SNW1: variants seen among roughly 807,000 people sequenced by gnomAD.
SNW1 encodes the protein SNW domain-containing protein 1.
A neutral mutation model predicts 75.6 loss-of-function variants in SNW1; 9 were observed. The ratio of observed to expected loss-of-function variants is 0.12; its 90% confidence interval spans 0.07 to 0.21. SNW1 has a LOEUF of 0.21. Among genes scored for constraint, SNW1 ranks in the 10% least tolerant of loss-of-function variants. SNW1 has a pLI of 1.00. For synonymous variants in SNW1, 200 were observed against 219.1 expected, an observed-to-expected ratio of 0.91 and a Z score of 0.77; for missense variants, 409 against 670.9, an observed-to-expected ratio of 0.61 and a Z score of 4.31.
chr14:77,723,069 G>C (rs1595074034), intron 11 of SNW1, 112 bp downstream of exon 11: 5 of 791,038 alleles, frequency 6.3e-6, no homozygotes, highest in Non-Finnish European at 8.8e-6. Flanking sequence ...GGATGGTCTC[G>C]ATCTCCTGAC....
At chr14:77,749,982 C>T (rs1347374914) in intron 3 of SNW1, among the ~76,000 whole-genome samples, 3 of 152,026 alleles carry the variant, frequency 2.0e-5, no homozygotes, top group Non-Finnish European at 2.9e-5. Context: ...AGGAGGATTG[C>T]TTGAGCCCAA....
chr14:77,722,791 C>T (rs1388412748), intron 11 of SNW1: 2 of 401,224 alleles, frequency 5.0e-6, no homozygotes, highest in Admixed American at 6.9e-5. Flanking sequence ...GACTAAAACT[C>T]TGCTCTAAAA....
At chr14:77,754,916 T>C (rs772557297) in intron 2 of SNW1, 51 bp downstream of exon 2, 3 of 1,432,080 alleles carry the variant, frequency 2.1e-6, no homozygotes, top group Non-Finnish European at 1.9e-6. Flanking sequence ...TAGTGTGCTA[T>C]AATAAATTTC....
chr14:77,756,971 C>A (rs2080846541), intron 1 of SNW1, among the ~76,000 whole-genome samples: 1 of 152,196 alleles, frequency 6.6e-6, no homozygotes, highest in East Asian at 1.9e-4. Context: ...TCAAGGTAAC[C>A]TTTCTACTAA....
rs2080880159 is a variant in SNW1 at position 77,760,599 on chromosome 14, G to A, written c.14+515C>T. The A allele has an allele frequency of 7.2e-6, 5 of 695,886 alleles. No individual in the cohort carries two copies. The South Asian group carries it at 7.4e-5, about 10-fold the overall frequency. The allele number at this position is 695,886 out of a possible 1,614,324, so 43.1% of individuals were successfully genotyped here. A position where few individuals can be genotyped will look rare whatever the true frequency, so the allele number is the denominator to read the frequency against. ...CAGTGGCGCATATCAGCAGACGGCGGTCACTACTGTGGCTCATTTAAATCT... is the reference window on the plus strand; with the variant it reads ...CAGTGGCGCATATCAGCAGACGGCGATCACTACTGTGGCTCATTTAAATCT... On this transcript the variant is annotated intron_variant, in intron 1 of 13. Coordinates refer to ENST00000261531, the MANE Select transcript of SNW1 (RefSeq NM_012245.3).
chr14:77,742,345 A>C (rs1386771419), intron 3 of SNW1, among the ~76,000 whole-genome samples: 4 of 151,982 alleles, frequency 2.6e-5, no homozygotes, highest in Non-Finnish European at 5.9e-5. Context: ...CAAAACCCCA[A>C]ATTTTTATAG....
intron 12 of SNW1, 74 bp downstream of exon 12, chr14:77,720,637 G>T: frequency 1.0e-6 from 1 of 953,848 alleles, no homozygotes; most frequent in Non-Finnish European, 1.7e-6. Context: ...CAAATGTAAA[G>T]TATGTTAATT....
At chr14:77,730,940 T>C (rs2111829) in intron 10 of SNW1, 48 bp downstream of exon 10, 240,326 of 1,583,162 alleles carry the variant, frequency 0.15, 19,546 homozygotes, top group Middle Eastern at 0.2. Flanking sequence ...AAATAAGATA[T>C]ATTTTGTTCA....
In SNW1 at chr14:77,735,963, G is replaced by C. The variant is rs1275260806; in HGVS notation, c.682C>G (p.Pro228Ala). Residue 228 changes from proline (P) to alanine (A), a missense_variant, in exon 7 of 14, where the codon CCT (proline) becomes GCT (alanine). Physicochemically the swap from Pro to Ala is conservative, Grantham distance 27. Coordinates refer to ENST00000261531, the MANE Select transcript of SNW1 (RefSeq NM_012245.3). ...IPRGPPSPPAPVMHSPSRKMT... is the reference protein window; with the variant it reads ...IPRGPPSPPAAVMHSPSRKMT... ...TTTCGGCTAGGAGAATGCATGACAG[G>C]CGCAGGAGGAGAAGGTGGTCCCCGG... The C allele has an allele frequency of 6.2e-7, 1 of 1,613,890 alleles. No individual in the cohort carries two copies. Among genetic ancestry groups the C allele is most frequent in the African/African-American group, 1.3e-5 (1 of 75,034 alleles).
chr14:77,747,533 G>A (rs528816929), intron 3 of SNW1, among the ~76,000 whole-genome samples: 59 of 146,620 alleles, frequency 4.0e-4, no homozygotes, highest in African/African-American at 1.3e-3. Flanking sequence ...CCCGCCGCCC[G>A]GTCTGGGATG....
At chr14:77,746,134 AG>A (rs2139922510) in intron 3 of SNW1, among the ~76,000 whole-genome samples, 1 of 152,382 alleles carries the variant, frequency 6.6e-6, no homozygotes, top group African/African-American at 2.4e-5. Context: ...GGAGAGTTGA[AG>A]CTAGCCAAGA....
At chr14:77,755,569 C>T (rs560701453) in intron 1 of SNW1, among the ~76,000 whole-genome samples, 2 of 150,842 alleles carry the variant, frequency 1.3e-5, no homozygotes, top group Admixed American at 1.3e-4. Context: ...CAAGCATGCG[C>T]CACCACACCA....
intron 7 of SNW1, 73 bp downstream of exon 7, chr14:77,735,864 G>A (rs997455231): frequency 3.6e-5 from 40 of 1,097,124 alleles, no homozygotes; most frequent in Non-Finnish European, 4.8e-5. Context: ...CACCTGTATA[G>A]GCATAGGGAG....
At chr14:77,723,494 T>C (rs1478589681) in intron 10 of SNW1, among the ~76,000 whole-genome samples, 1 of 152,122 alleles carries the variant, frequency 6.6e-6, no homozygotes, top group South Asian at 2.1e-4. Context: ...GGACCACAGA[T>C]GTGTGCCACC....
intron 5 of SNW1, 113 bp from the exon 6 acceptor site, chr14:77,737,188 T>G: frequency 1.4e-6 from 1 of 709,684 alleles, no homozygotes; most frequent in Non-Finnish European, 2.4e-6. Flanking sequence ...TCGCAAAGTA[T>G]TAACAGAAAA....
intron 10 of SNW1, among the ~76,000 whole-genome samples, chr14:77,723,909 G>C (rs2080563705): frequency 6.6e-6 from 1 of 152,118 alleles, no homozygotes. Flanking sequence ...CCAATATTCT[G>C]AACAAGAGAA....
At position 77,722,913 on chromosome 14, in the gene SNW1, C is replaced by T. The variant is rs181900303; in HGVS notation, c.1130+268G>A. On this transcript the variant is annotated intron_variant, in intron 11 of 13. Transcript: ENST00000261531. ...AGGCTGGAATGCAGTGGCGTGATCTCGGCTCACTGCAAGCTCCACCTCCCG... is the reference window on the plus strand; with the variant it reads ...AGGCTGGAATGCAGTGGCGTGATCTTGGCTCACTGCAAGCTCCACCTCCCG... The T allele has an allele frequency of 1.3e-3, 519 of 415,006 alleles. 5 individuals are homozygous for T. In the East Asian group the frequency reaches 0.023, roughly 18 times the overall value. The allele number at this position is 415,006 out of a possible 1,614,324, so 25.7% of individuals were successfully genotyped here.
chr14:77,724,440 C>T (rs2080568333), intron 10 of SNW1, among the ~76,000 whole-genome samples: 1 of 152,214 alleles, frequency 6.6e-6, no homozygotes. Flanking sequence ...CCCCACTGTA[C>T]TAGGAACATT....
chr14:77,742,738 GT>G (rs2080728424), intron 3 of SNW1, among the ~76,000 whole-genome samples: 2 of 151,554 alleles, frequency 1.3e-5, no homozygotes, highest in Non-Finnish European at 2.9e-5. Flanking sequence ...GTAACATTTC[GT>G]TTCTTTAAGA....
Sources: gnomAD v4.1 joint callset for allele counts (sites outside exome capture counted in the v4.1 genomes callset) on GRCh38, gnomAD v4.1.1 for gene constraint, MANE v1.5 for transcripts, NCBI Gene and HGNC (gene_info 2026-07-23, HGNC 2026-07-21) for gene names.